ARHGEF7: variants seen among roughly 807,000 people sequenced by gnomAD.
The protein encoded by ARHGEF7 is Rho guanine nucleotide exchange factor 7.
In ARHGEF7, 33 loss-of-function variants were observed where a neutral mutation model predicts 109.8. The observed-to-expected ratio is 0.30, with a 90% CI of 0.23 to 0.40. ARHGEF7 has a LOEUF of 0.40. Among genes scored for constraint, ARHGEF7 ranks in the 10% least tolerant of loss-of-function variants. The pLI is 1.00. For missense variants in ARHGEF7, 938 were observed against 1,098.5 expected, an observed-to-expected ratio of 0.85 and a Z score of 2.07; for synonymous variants, 458 against 424.6, an observed-to-expected ratio of 1.08 and a Z score of -0.97.
chr13:111,214,469 C>G (rs1024668520), intron 4 of ARHGEF7, among the ~76,000 whole-genome samples: 1 of 152,230 alleles, frequency 6.6e-6, no homozygotes, highest in African/African-American at 2.4e-5. Context: ...TCCACAAGGC[C>G]GGCGTGCCCA....
At chr13:111,144,384 A>C (rs964651357) in intron 1 of ARHGEF7, 1 of 152,228 alleles carries the variant, frequency 6.6e-6, no homozygotes, top group Non-Finnish European at 1.5e-5. Flanking sequence ...CAGCTTACTT[A>C]TCTGGTATTT....
intron 5 of ARHGEF7, among the ~76,000 whole-genome samples, chr13:111,223,670 C>T (rs2084780480): frequency 6.6e-6 from 1 of 152,036 alleles, no homozygotes; most frequent in African/African-American, 2.4e-5. Context: ...TTGAATAGTC[C>T]CTCTTTGAAG....
At chr13:111,286,364 C>A in intron 17 of ARHGEF7, 124 bp downstream of exon 17, 1 of 757,890 alleles carries the variant, frequency 1.3e-6, no homozygotes. Flanking sequence ...AGGTCTGCCC[C>A]TTGAGGCAGT....
chr13:111,159,191 ATTG>A lies in ARHGEF7; in HGVS notation c.252+5207_252+5209del, dbSNP rs1177936249. ...AGCACAATGTTCTCCAGGTTCATTC[ATTG>A]TTGTTGCAAATAACAGGATTTCCTT... On this transcript the variant is annotated intron_variant, in intron 2 of 21. Transcript: ENST00000646102. 4.7e-5 allele frequency: 31 copies of A among 655,692 alleles called. No homozygotes were observed. The Admixed American group carries it at 6.8e-4, about 14-fold the overall frequency. 40.6% of individuals were successfully genotyped at this position (655,692 alleles called of 1,614,324 possible).
intron 5 of ARHGEF7, among the ~76,000 whole-genome samples, chr13:111,220,815 G>A (rs2083744555): frequency 6.6e-6 from 1 of 151,994 alleles, no homozygotes. Context: ...CTGAGCGTGT[G>A]TGCGTGCCCG....
Position 111,130,905 on chromosome 13 carries a change from G to A in ARHGEF7, c.165+15214G>A, listed in dbSNP as rs144288248. On this transcript the variant is annotated intron_variant, in intron 1 of 21. Transcript: ENST00000646102. ...ACAGAGGGGCCCTTCAAGGCCTGGGGCAAGAGGAGGCCTGCTTTGCTGGGA... is the reference window on the plus strand; with the variant it reads ...ACAGAGGGGCCCTTCAAGGCCTGGGACAAGAGGAGGCCTGCTTTGCTGGGA... Among the ~76,000 whole-genome samples the A allele has an allele frequency of 1.7e-3, 266 of 152,342 alleles. 1 individual carries two copies. Among genetic ancestry groups the A allele is most frequent in the African/African-American group, 5.9e-3 (245 of 41,576 alleles).
chr13:111,121,261 G>A (rs1290429308), intron 1 of ARHGEF7, among the ~76,000 whole-genome samples: 2 of 152,180 alleles, frequency 1.3e-5, no homozygotes, highest in African/African-American at 4.8e-5. Context: ...GTCTGTGTCT[G>A]GGCCTTTCTC....
At chr13:111,246,497 T>C (rs530668487) in intron 8 of ARHGEF7, among the ~76,000 whole-genome samples, 1 of 152,352 alleles carries the variant, frequency 6.6e-6, no homozygotes, top group Non-Finnish European at 1.5e-5. Flanking sequence ...TCAAGGCACT[T>C]TATACTGGAC....
At chr13:111,136,356 T>C (rs1316687508) in intron 1 of ARHGEF7, among the ~76,000 whole-genome samples, 1 of 151,334 alleles carries the variant, frequency 6.6e-6, no homozygotes, top group Non-Finnish European at 1.5e-5. Flanking sequence ...AAAGCACTCT[T>C]CAGCAAATGT....
At chr13:111,287,347 G>A (rs1487086421) in intron 17 of ARHGEF7, among the ~76,000 whole-genome samples, 1 of 152,166 alleles carries the variant, frequency 6.6e-6, no homozygotes, top group African/African-American at 2.4e-5. Flanking sequence ...GGGCTGTTCT[G>A]TGGGCCACTT....
intron 5 of ARHGEF7, 140 bp downstream of exon 5, chr13:111,218,020 G>T: frequency 1.2e-6 from 1 of 850,622 alleles, no homozygotes. Context: ...TAGATGTAAT[G>T]GATTTTCACC....
chr13:111,215,529 G>A (rs2083022045), intron 4 of ARHGEF7, among the ~76,000 whole-genome samples: 1 of 152,100 alleles, frequency 6.6e-6, no homozygotes, highest in Non-Finnish European at 1.5e-5. Context: ...CACTGAGATC[G>A]GTGTTCAGGG....
intron 8 of ARHGEF7, among the ~76,000 whole-genome samples, chr13:111,249,089 C>A (rs1436338668): frequency 6.6e-6 from 1 of 152,162 alleles, no homozygotes; most frequent in Admixed American, 6.5e-5. Context: ...GAGATTTGGG[C>A]AGAATTTAGA....
chr13:111,150,503 G>GT (rs1239441141), intron 1 of ARHGEF7, among the ~76,000 whole-genome samples: 6 of 151,942 alleles, frequency 3.9e-5, no homozygotes, highest in East Asian at 1.9e-4. Context: ...AATATGCATT[G>GT]TTTTTTTACA....
intron 2 of ARHGEF7, among the ~76,000 whole-genome samples, chr13:111,160,334 G>GT (rs549048706): frequency 0.08 from 11,444 of 143,514 alleles, 522 homozygotes; most frequent in African/African-American, 0.14. Flanking sequence ...AGTTATTGGG[G>GT]TTTTTTTTTT....
intron 9 of ARHGEF7, among the ~76,000 whole-genome samples, chr13:111,270,309 G>A (rs923170365): frequency 2.0e-5 from 3 of 152,252 alleles, no homozygotes; most frequent in Admixed American, 2.0e-4. Flanking sequence ...GGTAAGGACT[G>A]AGGAGACCCA....
rs369929936 is a variant in ARHGEF7 at position 111,197,555 on chromosome 13, G to T, written c.253-7734G>T. The stretch of plus-strand genomic sequence containing the variant: ...TATAAAGATGTTATGCCCCCAAAAT[G>T]AAGTGGAGGGCCATACCCTGAGGGA... On this transcript the variant is annotated intron_variant, in intron 2 of 21. Coordinates refer to ENST00000646102, the MANE Select transcript of ARHGEF7 (RefSeq NM_001354046.2). 5.3e-5 allele frequency among the ~76,000 whole-genome samples: 8 copies of T among 152,314 alleles called. No individual in the cohort carries two copies. In the East Asian group the frequency reaches 7.7e-4, roughly 15 times the overall value.
At chr13:111,276,003 T>A (rs2092457321) in intron 12 of ARHGEF7, 1 of 301,280 alleles carries the variant, frequency 3.3e-6, no homozygotes, top group South Asian at 3.6e-5. Flanking sequence ...TGCGCTTATC[T>A]GGCCAGCAAC....
intron 4 of ARHGEF7, 88 bp downstream of exon 4, chr13:111,210,090 T>C (rs2082313718): frequency 6.4e-7 from 1 of 1,550,410 alleles, no homozygotes; most frequent in South Asian, 1.2e-5. Flanking sequence ...TATGCCTCCA[T>C]TAATGGTGTT....
Sources: gnomAD v4.1 joint callset for allele counts (sites outside exome capture counted in the v4.1 genomes callset) on GRCh38, gnomAD v4.1.1 for gene constraint, MANE v1.5 for transcripts, NCBI Gene and HGNC (gene_info 2026-07-23, HGNC 2026-07-21) for gene names.